Variants in CSMD2 observed in about 807,000 individuals in gnomAD.
CSMD2 encodes CUB and sushi domain-containing protein 2.
In CSMD2, 130 loss-of-function variants were observed where a neutral mutation model predicts 398.5. The observed-to-expected ratio is 0.33, with a 90% CI of 0.28 to 0.38. The LOEUF is 0.38. Among genes scored for constraint, CSMD2 ranks in the 10% least tolerant of loss-of-function variants. CSMD2 has a pLI of 1.00. For synonymous variants in CSMD2, 1,828 were observed against 1,908.5 expected (o/e 0.96, Z 1.10); for missense variants, 3,829 against 4,764.9 (o/e 0.80, Z 5.78).
At chr1:34,023,769 G>T (rs1304639042) in intron 3 of CSMD2, among the ~76,000 whole-genome samples, 1 of 152,266 alleles carries the variant, frequency 6.6e-6, no homozygotes, top group Non-Finnish European at 1.5e-5. Context: ...GAAATGGAGA[G>T]AAAATTACCC....
chr1:34,077,766 G>C (rs1196399233), intron 2 of CSMD2, among the ~76,000 whole-genome samples: 8 of 131,866 alleles, frequency 6.1e-5, no homozygotes, highest in African/African-American at 2.4e-4. Flanking sequence ...AAAAAAAAAT[G>C]CTGTGAGGAG....
intron 15 of CSMD2, among the ~76,000 whole-genome samples, chr1:33,734,519 G>A (rs1646821596): frequency 6.6e-6 from 1 of 152,094 alleles, no homozygotes; most frequent in Admixed American, 6.5e-5. Context: ...AGGTGTGGTG[G>A]CTCAAGCCTG....
chr1:33,881,328 A>G (rs1449635887), intron 5 of CSMD2, among the ~76,000 whole-genome samples: 1 of 152,224 alleles, frequency 6.6e-6, no homozygotes, highest in Non-Finnish European at 1.5e-5. Context: ...GCTACTAAAT[A>G]AGTAATTATT....
Position 33,542,817 on chromosome 1 carries a change from G to A in CSMD2, c.9180C>T (p.Ile3060=), listed in dbSNP as rs138523089. The A allele has an allele frequency of 1.2e-4, 186 of 1,614,154 alleles. 3 individuals carry two copies. In the African/African-American group the frequency reaches 2.1e-3, roughly 18 times the overall value. The change falls in exon 58 of 71, where the codon ATC becomes ATT. Residue 3060 remains isoleucine (I), a synonymous_variant. Transcript: ENST00000373381. ...FSDGLVFSSS[I]VYECREGYYA... is the part of the protein sequence containing the mutation. ...AGTATCCTTCCCGGCACTCATAGAC[G>A]ATAGAGCTGGAGAAAACCAGGCCAT...
At chr1:33,645,283 C>T (rs1643355344) in intron 29 of CSMD2, among the ~76,000 whole-genome samples, 1 of 149,226 alleles carries the variant, frequency 6.7e-6, no homozygotes, top group Admixed American at 6.7e-5. Context: ...GTTATAGTAA[C>T]AATAACAAAA....
intron 4 of CSMD2, among the ~76,000 whole-genome samples, chr1:33,930,990 G>GAC (rs375997455): frequency 2.6e-5 from 4 of 152,332 alleles, no homozygotes; most frequent in Admixed American, 6.5e-5. Flanking sequence ...AGATAAAACA[G>GAC]ACACACACGG....
intron 7 of CSMD2, among the ~76,000 whole-genome samples, chr1:33,824,436 T>C (rs1330959178): frequency 1.3e-5 from 2 of 152,180 alleles, no homozygotes; most frequent in Non-Finnish European, 1.5e-5. Context: ...CCTGGCTGTA[T>C]CCAACAGCCT....
intron 21 of CSMD2, 114 bp from the exon 22 acceptor site, chr1:33,709,372 C>A: frequency 3.5e-6 from 3 of 848,044 alleles, no homozygotes; most frequent in Non-Finnish European, 5.5e-6. Flanking sequence ...TGTCTACCTG[C>A]CAAGGTGCCT....
chr1:34,130,409 A>AAAAC (rs1663223515), intron 1 of CSMD2, among the ~76,000 whole-genome samples: 2 of 151,156 alleles, frequency 1.3e-5, no homozygotes, highest in Non-Finnish European at 3.0e-5. Context: ...AAAAAAAAAA[A>AAAAC]AGTTTGTTGT....
At position 33,567,643 on chromosome 1, in the gene CSMD2, C is replaced by T. The variant is rs1242987957; in HGVS notation, c.8330G>A (p.Arg2777His). Residue 2777 changes from arginine to histidine, a missense_variant, in exon 53 of 71, where the codon CGC (arginine) becomes CAC (histidine). Arg to His is a conservative substitution (Grantham distance 29). Coordinates refer to ENST00000373381, the MANE Select transcript of CSMD2 (RefSeq NM_001281956.2). ...AGFRLIGMSV[R>H]ICQQDHHWSG... ...CCAGTGATGATCCTGCTGGCAGATG[C>T]GCACAGACATGCCGATCAGGCGGAA... The T allele has an allele frequency of 8.7e-6, 14 of 1,614,036 alleles. No individual in the cohort carries two copies. Among genetic ancestry groups the T allele is most frequent in the African/African-American group, 5.3e-5 (4 of 74,926 alleles).
chr1:33,786,234 C>T lies in CSMD2; in HGVS notation c.1663+2366G>A, dbSNP rs1653519314. 1.3e-5 allele frequency among the ~76,000 whole-genome samples: 2 copies of T among 152,180 alleles called. 1 individual carries two copies. The highest frequency in any genetic ancestry group is 1.3e-4 in the Admixed American group (2 of 15,272). ...CCTTTCAAGTTCACGCTATTTACTT[C>T]TTATTCAAACCGTTGGCAAAATATG... On this transcript the variant is annotated intron_variant, in intron 12 of 70. Transcript: ENST00000373381.
chr1:33,719,859 A>G (rs1482966902), intron 19 of CSMD2, among the ~76,000 whole-genome samples: 1 of 152,188 alleles, frequency 6.6e-6, no homozygotes, highest in East Asian at 1.9e-4. Flanking sequence ...GCTGGCACAC[A>G]GTAGGGGTGC....
At chr1:33,972,569 G>C (rs1419887456) in intron 3 of CSMD2, among the ~76,000 whole-genome samples, 1 of 152,138 alleles carries the variant, frequency 6.6e-6, no homozygotes, top group African/African-American at 2.4e-5. Flanking sequence ...TCAGTAATAG[G>C]AGCTGTGACC....
chr1:33,703,522 T>C (rs1645678553), intron 22 of CSMD2, among the ~76,000 whole-genome samples: 1 of 152,252 alleles, frequency 6.6e-6, no homozygotes, highest in Admixed American at 6.5e-5. Context: ...AGAGAATCTA[T>C]GCACATCCAT....
At chr1:33,644,105 T>G (rs1399961764) in intron 29 of CSMD2, among the ~76,000 whole-genome samples, 1 of 152,148 alleles carries the variant, frequency 6.6e-6, no homozygotes, top group Non-Finnish European at 1.5e-5. Flanking sequence ...AATTGGCTGC[T>G]TGGCTGGCTC....
At chr1:34,082,617 T>G (rs1441130013) in intron 2 of CSMD2, among the ~76,000 whole-genome samples, 1 of 152,012 alleles carries the variant, frequency 6.6e-6, no homozygotes, top group Admixed American at 6.6e-5. Flanking sequence ...ACGATGGCGG[T>G]TTTGTCAAAT....
At chr1:34,067,884 G>A (rs1261998087) in intron 2 of CSMD2, among the ~76,000 whole-genome samples, 1 of 152,162 alleles carries the variant, frequency 6.6e-6, no homozygotes, top group African/African-American at 2.4e-5. Flanking sequence ...TGTGATGCAA[G>A]AACCACTCTC....
intron 48 of CSMD2, 81 bp downstream of exon 48, chr1:33,580,672 A>G (rs1386901831): frequency 1.2e-5 from 18 of 1,512,832 alleles, no homozygotes; most frequent in Non-Finnish European, 1.3e-5. Context: ...TAGGAGGGGA[A>G]TGGCCGCCCG....
intron 2 of CSMD2, among the ~76,000 whole-genome samples, chr1:34,061,574 CA>C (rs1433695033): frequency 6.6e-6 from 1 of 152,198 alleles, no homozygotes; most frequent in East Asian, 1.9e-4. Flanking sequence ...ATGAGTTACT[CA>C]ATCTCCCTGA....
Sources: gnomAD v4.1 joint callset for allele counts (sites outside exome capture counted in the v4.1 genomes callset) on GRCh38, gnomAD v4.1.1 for gene constraint, MANE v1.5 for transcripts, NCBI Gene and HGNC (gene_info 2026-07-23, HGNC 2026-07-21) for gene names.